Variants in GALNT17 observed in about 807,000 individuals in gnomAD.
GALNT17 encodes the protein UDP-GalNAc:polypeptide N-acetylgalactosaminyltransferase-like 3.
Under a neutral mutation model 63.7 loss-of-function variants are expected in GALNT17, and 29 were observed. That is an observed-to-expected ratio of 0.46 (90% CI 0.34 to 0.62). The LOEUF (loss-of-function observed/expected upper bound fraction) is 0.62, where lower values mean the gene tolerates loss of function less well. GALNT17 is among the 20% of genes least tolerant of loss of function. The pLI, the probability that GALNT17 is intolerant of heterozygous loss-of-function variation, is 0.01. For missense variants in GALNT17, 603 were observed against 799.6 expected (o/e 0.75, Z 2.97); for synonymous variants, 305 against 318.3 (o/e 0.96, Z 0.45).
chr7:71,454,003 T>G (rs10278132), intron 5 of GALNT17, among the ~76,000 whole-genome samples: 9,341 of 152,280 alleles, frequency 0.061, 603 homozygotes, highest in African/African-American at 0.16. Context: ...CATATACCTA[T>G]TCACACTATG....
At chr7:71,518,820 A>G (rs1047056589) in intron 5 of GALNT17, among the ~76,000 whole-genome samples, 4 of 152,194 alleles carry the variant, frequency 2.6e-5, no homozygotes, top group East Asian at 1.9e-4. Context: ...TCTCATGCCT[A>G]TTTTTCCCAG....
At chr7:71,304,383 G>A (rs1043777122) in intron 1 of GALNT17, among the ~76,000 whole-genome samples, 6 of 152,258 alleles carry the variant, frequency 3.9e-5, no homozygotes, top group Admixed American at 1.3e-4. Context: ...GGGTGACAAA[G>A]TGGGTACAGA....
At chr7:71,631,090 GGA>G (rs1345838008) in intron 6 of GALNT17, among the ~76,000 whole-genome samples, 1 of 152,198 alleles carries the variant, frequency 6.6e-6, no homozygotes, top group African/African-American at 2.4e-5. Flanking sequence ...TTTGGAGAAA[GGA>G]GAGAGAGATT....
At chr7:71,157,515 G>A (rs2116237328) in intron 1 of GALNT17, among the ~76,000 whole-genome samples, 1 of 151,718 alleles carries the variant, frequency 6.6e-6, no homozygotes, top group South Asian at 2.1e-4. Flanking sequence ...AAAATTAGCA[G>A]GGCATGGTGG....
rs190661535 is a variant in GALNT17 at position 71,145,544 on chromosome 7, A to G, written c.238+12504A>G. 1.3e-3 allele frequency among the ~76,000 whole-genome samples: 193 copies of G among 152,292 alleles called. 2 individuals carry two copies. The highest frequency in any genetic ancestry group is 4.5e-3 in the African/African-American group (188 of 41,568). On this transcript the variant is annotated intron_variant, in intron 1 of 10. Transcript: ENST00000333538. ...TAAATAGATAAAAAATAGGGTCTAC[A>G]TGATTCTAGGACAATTGGTAGCAAA...
At chr7:71,640,701 T>C (rs961181819) in intron 6 of GALNT17, among the ~76,000 whole-genome samples, 2 of 152,148 alleles carry the variant, frequency 1.3e-5, no homozygotes, top group African/African-American at 4.8e-5. Context: ...AGTTAGTCTT[T>C]AGTAATCCTG....
intron 1 of GALNT17, among the ~76,000 whole-genome samples, chr7:71,280,245 G>A (rs1165734124): frequency 2.6e-5 from 4 of 152,080 alleles, no homozygotes; most frequent in Non-Finnish European, 5.9e-5. Flanking sequence ...TCAGTGTGAG[G>A]CCTTTGGTGT....
At chr7:71,232,439 T>TG (rs1789808102) in intron 1 of GALNT17, among the ~76,000 whole-genome samples, 1 of 151,500 alleles carries the variant, frequency 6.6e-6, no homozygotes, top group Non-Finnish European at 1.5e-5. Context: ...GCCAAAGCAG[T>TG]GGGGAGTAGG....
chr7:71,193,786 T>G (rs1788996850), intron 1 of GALNT17, among the ~76,000 whole-genome samples: 1 of 152,130 alleles, frequency 6.6e-6, no homozygotes, highest in Admixed American at 6.6e-5. Flanking sequence ...TTTGCTTCTT[T>G]TATAAAAGGA....
chr7:71,178,484 A>T (rs571746436), intron 1 of GALNT17, among the ~76,000 whole-genome samples: 1 of 152,148 alleles, frequency 6.6e-6, no homozygotes, highest in South Asian at 2.1e-4. Flanking sequence ...TTTCTGCCTT[A>T]TTCTCTCTCT....
At chr7:71,360,209 A>G (rs560499833) in intron 2 of GALNT17, among the ~76,000 whole-genome samples, 1 of 152,338 alleles carries the variant, frequency 6.6e-6, no homozygotes, top group South Asian at 2.1e-4. Context: ...TACTGAATAC[A>G]ATTTGATATC....
rs911790953 is a variant in GALNT17 at position 71,375,970 on chromosome 7, G to C, written c.423-12265G>C. ...CGTGCGCCTGTCATCCCAGCTACTT[G>C]ACGGGGGCTGAGGTAGGATAATCAG... On this transcript the variant is annotated intron_variant, in intron 2 of 10. Coordinates refer to ENST00000333538, the MANE Select transcript of GALNT17 (RefSeq NM_022479.3). 3.3e-5 allele frequency among the ~76,000 whole-genome samples: 5 copies of C among 152,076 alleles called. No homozygotes were observed. The East Asian group carries it at 5.8e-4, about 18-fold the overall frequency.
chr7:71,527,438 G>T (rs1420550043), intron 5 of GALNT17, among the ~76,000 whole-genome samples: 1 of 152,154 alleles, frequency 6.6e-6, no homozygotes, highest in Non-Finnish European at 1.5e-5. Context: ...ATTGAAAGGA[G>T]CCCTGAGCCT....
intron 1 of GALNT17, among the ~76,000 whole-genome samples, chr7:71,315,895 C>T (rs1466145314): frequency 6.6e-6 from 1 of 152,096 alleles, no homozygotes; most frequent in Non-Finnish European, 1.5e-5. Flanking sequence ...TGTCCATCAC[C>T]CTTGAGTGAA....
chr7:71,640,531 C>A (rs1413711111), intron 6 of GALNT17, among the ~76,000 whole-genome samples: 1 of 152,056 alleles, frequency 6.6e-6, no homozygotes, highest in East Asian at 1.9e-4. Context: ...ATATTACATT[C>A]TAGTTGTTGT....
At chr7:71,456,488 G>C (rs965723533) in intron 5 of GALNT17, among the ~76,000 whole-genome samples, 4 of 151,952 alleles carry the variant, frequency 2.6e-5, no homozygotes, top group Admixed American at 6.6e-5. Context: ...GGCCTAGGTG[G>C]GTGGATAACC....
intron 5 of GALNT17, among the ~76,000 whole-genome samples, chr7:71,425,622 A>C (rs1273491193): frequency 6.6e-6 from 1 of 152,140 alleles, no homozygotes; most frequent in East Asian, 1.9e-4. Context: ...CAAGGCCCCA[A>C]CCACATGCGT....
intron 1 of GALNT17, among the ~76,000 whole-genome samples, chr7:71,310,315 T>C (rs1424997228): frequency 6.6e-6 from 1 of 152,204 alleles, no homozygotes; most frequent in Non-Finnish European, 1.5e-5. Flanking sequence ...TTCCCTTACT[T>C]TGTCACAAAG....
chr7:71,648,569 G>C (rs1166029756), intron 6 of GALNT17, among the ~76,000 whole-genome samples: 4 of 151,860 alleles, frequency 2.6e-5, no homozygotes, highest in Non-Finnish European at 4.4e-5. Context: ...CACTATGCTT[G>C]GTCCACTCCT....
Sources: allele counts gnomAD v4.1 joint callset (sites outside exome capture counted in the v4.1 genomes callset), GRCh38; gene constraint gnomAD v4.1.1; transcripts MANE v1.5; gene names NCBI Gene and HGNC (gene_info 2026-07-23, HGNC 2026-07-21).